CALD1: variants seen among roughly 807,000 people sequenced by gnomAD.
CALD1 encodes caldesmon.
Under a neutral mutation model 99.9 loss-of-function variants are expected in CALD1, and 33 were observed. That is an observed-to-expected ratio of 0.33 (90% CI 0.25 to 0.44). The LOEUF is 0.44. Among genes scored for constraint, CALD1 ranks in the 20% least tolerant of loss-of-function variants. The pLI, the probability that CALD1 is intolerant of heterozygous loss-of-function variation, is 1.00. For synonymous variants in CALD1, 310 were observed against 325.0 expected, an observed-to-expected ratio of 0.95 and a Z score of 0.50; for missense variants, 861 against 962.1, an observed-to-expected ratio of 0.89 and a Z score of 1.39.
chr7:134,810,625 G>T (rs751864412), intron 1 of CALD1, among the ~76,000 whole-genome samples: 1 of 152,146 alleles, frequency 6.6e-6, no homozygotes, highest in Non-Finnish European at 1.5e-5. Flanking sequence ...GATAGCTGAA[G>T]ATCTTCTCTT....
the CALD1 span, among the ~76,000 whole-genome samples, chr7:134,728,274 G>A: frequency 1.3e-5 from 2 of 152,124 alleles, no homozygotes; most frequent in Admixed American, 1.3e-4. Flanking sequence ...AACGATTCAC[G>A]AATCGGTCAG....
chr7:134,877,078 A>G (rs1039251357), intron 3 of CALD1, among the ~76,000 whole-genome samples: 2 of 152,254 alleles, frequency 1.3e-5, no homozygotes, highest in Non-Finnish European at 2.9e-5. Flanking sequence ...TGCAGATTAT[A>G]AAGCACTTAG....
At chr7:134,766,647 TA>T (rs1167667091) in intron 1 of CALD1, among the ~76,000 whole-genome samples, 1 of 152,130 alleles carries the variant, frequency 6.6e-6, no homozygotes, top group Non-Finnish European at 1.5e-5. Context: ...TCCTGTGAAG[TA>T]GGTATTATTG....
intron 6 of CALD1, among the ~76,000 whole-genome samples, chr7:134,940,027 A>G (rs1443600252): frequency 6.6e-6 from 1 of 152,198 alleles, no homozygotes; most frequent in Non-Finnish European, 1.5e-5. Context: ...AGGTGAGAAG[A>G]GGTGAGTGAT....
At chr7:134,892,514 T>C (rs1323266651) in intron 3 of CALD1, among the ~76,000 whole-genome samples, 1 of 152,216 alleles carries the variant, frequency 6.6e-6, no homozygotes, top group Non-Finnish European at 1.5e-5. Flanking sequence ...CGATTCAGCA[T>C]GACAATTGTT....
chr7:134,822,383 CTTTCTAGAA>C (rs1284813954), intron 1 of CALD1, among the ~76,000 whole-genome samples: 2 of 152,166 alleles, frequency 1.3e-5, no homozygotes, highest in African/African-American at 2.4e-5. Context: ...TGAAGGGAAA[CTTTCTAGAA>C]TTTCTAGAAT....
the CALD1 span, among the ~76,000 whole-genome samples, chr7:134,731,338 T>C: frequency 7.2e-5 from 11 of 152,198 alleles, no homozygotes; most frequent in African/African-American, 2.7e-4. Flanking sequence ...CTGCTTGCTT[T>C]CTCTTCACCG....
At chr7:134,732,282 C>T in the CALD1 span, among the ~76,000 whole-genome samples, 1 of 152,174 alleles carries the variant, frequency 6.6e-6, no homozygotes, top group African/African-American at 2.4e-5. Flanking sequence ...CTTTCAAGGG[C>T]CACCCAATGC....
chr7:134,931,357 T>C (rs1805508260), intron 4 of CALD1, among the ~76,000 whole-genome samples: 1 of 152,232 alleles, frequency 6.6e-6, no homozygotes, highest in Non-Finnish European at 1.5e-5. Flanking sequence ...ATTCAATTGA[T>C]CCAAATGGCC....
At chr7:134,716,097 A>G in the CALD1 span, among the ~76,000 whole-genome samples, 1 of 152,212 alleles carries the variant, frequency 6.6e-6, no homozygotes, top group Non-Finnish European at 1.5e-5. Flanking sequence ...GAGAATAAAA[A>G]TAAGGTTATT....
chr7:134,880,079 C>T (rs1397845224), intron 3 of CALD1, among the ~76,000 whole-genome samples: 1 of 152,214 alleles, frequency 6.6e-6, no homozygotes. Context: ...GTCACATCTT[C>T]ACTGGCTTCT....
At chr7:134,787,070 A>T (rs1383408411) in intron 1 of CALD1, among the ~76,000 whole-genome samples, 1 of 152,142 alleles carries the variant, frequency 6.6e-6, no homozygotes, top group Non-Finnish European at 1.5e-5. Context: ...TTGATAGTAG[A>T]TGTATGTAGT....
At chr7:134,836,942 C>T (rs1239407022) in intron 1 of CALD1, among the ~76,000 whole-genome samples, 2 of 151,938 alleles carry the variant, frequency 1.3e-5, no homozygotes, top group Non-Finnish European at 2.9e-5. Context: ...AATGATTGTC[C>T]AAGAGAAAGG....
At chr7:134,884,301 C>A (rs895571421) in intron 3 of CALD1, among the ~76,000 whole-genome samples, 1 of 152,076 alleles carries the variant, frequency 6.6e-6, no homozygotes, top group African/African-American at 2.4e-5. Context: ...GTATTCTCTC[C>A]ACTTGGAGAA....
At chr7:134,728,067 A>C in the CALD1 span, among the ~76,000 whole-genome samples, 1 of 151,984 alleles carries the variant, frequency 6.6e-6, no homozygotes, top group Admixed American at 6.6e-5. Flanking sequence ...ATGCCAACTG[A>C]TTTTCTTTGT....
chr7:134,954,019 T>C (rs1807578173), intron 9 of CALD1, among the ~76,000 whole-genome samples: 6 of 152,222 alleles, frequency 3.9e-5, no homozygotes, highest in Admixed American at 3.9e-4. Context: ...TACAATGTAA[T>C]TGGGATAGCT....
At chr7:134,861,228 G>C (rs1357537802) in intron 2 of CALD1, among the ~76,000 whole-genome samples, 2 of 146,570 alleles carry the variant, frequency 1.4e-5, no homozygotes, top group Non-Finnish European at 3.0e-5. Flanking sequence ...AAAGCTCATA[G>C]AGCTTCAGTC....
intron 1 of CALD1, among the ~76,000 whole-genome samples, chr7:134,841,802 C>T (rs1204937783): frequency 6.6e-6 from 1 of 151,650 alleles, no homozygotes; most frequent in Admixed American, 6.6e-5. Context: ...GACATATGAG[C>T]CTGAATCCCA....
chr7:134,782,163 G>A (rs1222720921), intron 1 of CALD1, among the ~76,000 whole-genome samples: 5 of 152,170 alleles, frequency 3.3e-5, no homozygotes, highest in African/African-American at 1.2e-4. Context: ...TTAGCAAGAC[G>A]CAAAAGTGAT....
Sources: gnomAD v4.1 joint callset for allele counts (sites outside exome capture counted in the v4.1 genomes callset) on GRCh38, gnomAD v4.1.1 for gene constraint, MANE v1.5 for transcripts, NCBI Gene and HGNC (gene_info 2026-07-23, HGNC 2026-07-21) for gene names.